ANKMY2: variants seen among roughly 807,000 people sequenced by gnomAD.
The protein encoded by ANKMY2 is ankyrin repeat and MYND domain containing 2, also known as ankyrin repeat and MYND domain-containing protein 2.
ANKMY2 carries 36 observed loss-of-function variants against 50.4 expected under a neutral mutation model. The ratio of observed to expected loss-of-function variants is 0.71; its 90% confidence interval spans 0.55 to 0.94. The LOEUF is 0.94. Among genes scored for constraint, ANKMY2 ranks in the 40% least tolerant of loss-of-function variants. The pLI is 0.00. For missense variants in ANKMY2, 565 were observed against 524.0 expected, an observed-to-expected ratio of 1.08 and a Z score of -0.76; for synonymous variants, 187 against 178.8, an observed-to-expected ratio of 1.05 and a Z score of -0.36.
intron 1 of ANKMY2, among the ~76,000 whole-genome samples, chr7:16,638,151 C>G (rs148455570): frequency 6.5e-4 from 99 of 152,342 alleles, no homozygotes; most frequent in African/African-American, 2.3e-3. Context: ...CCATAAACAC[C>G]AAGCAATTCT....
At chr7:16,607,714 TAGTTTTTC>T (rs1781184024) in intron 7 of ANKMY2, among the ~76,000 whole-genome samples, 1 of 146,296 alleles carries the variant, frequency 6.8e-6, no homozygotes, top group Non-Finnish European at 1.5e-5. Flanking sequence ...GTTGCTGTTT[TAGTTTTTC>T]TGTTTTTTCC....
intron 3 of ANKMY2, among the ~76,000 whole-genome samples, chr7:16,626,291 T>C (rs150401414): frequency 1.3e-5 from 2 of 152,326 alleles, no homozygotes; most frequent in Non-Finnish European, 2.9e-5. Flanking sequence ...AAAGAACTTT[T>C]AATATTTCAC....
chr7:16,601,595 A>G (rs1190414499), intron 9 of ANKMY2, among the ~76,000 whole-genome samples: 3 of 152,274 alleles, frequency 2.0e-5, no homozygotes, highest in Admixed American at 6.5e-5. Context: ...TGTACAAACC[A>G]TTTAATTCCA....
chr7:16,639,262 A>T (rs1475568831), intron 1 of ANKMY2, among the ~76,000 whole-genome samples: 2 of 152,206 alleles, frequency 1.3e-5, no homozygotes, highest in Admixed American at 6.5e-5. Context: ...TTTACAAGTA[A>T]GTGTAAAAGA....
chr7:16,626,906 C>A lies in ANKMY2; in HGVS notation c.271+134G>T, dbSNP rs1781514187. 6 of 681,934 alleles carry A rather than the reference C, an allele frequency of 8.8e-6. No individual in the cohort carries two copies. The Admixed American group carries it at 1.3e-4, about 14-fold the overall frequency. The allele number at this position is 681,934 out of a possible 1,614,324, so 42.2% of individuals were successfully genotyped here. ...TCCTGCATTATAGCTTTTCAAAAAC[C>A]AATTGCCATCATTCCTTTCCATAAA... is the stretch of plus-strand genomic sequence containing the variant. On this transcript the variant is annotated intron_variant, in intron 3 of 9. Transcript: ENST00000306999.
chr7:16,634,398 C>T (rs1257515478), intron 2 of ANKMY2, among the ~76,000 whole-genome samples: 1 of 152,096 alleles, frequency 6.6e-6, no homozygotes, highest in Non-Finnish European at 1.5e-5. Flanking sequence ...TTATAGGTTA[C>T]AGTATATGGA....
At chr7:16,602,254 A>G in intron 9 of ANKMY2, 126 bp downstream of exon 9, 2 of 1,153,108 alleles carry the variant, frequency 1.7e-6, no homozygotes, top group African/African-American at 3.1e-5. Context: ...TTTAAATGTG[A>G]TTCTTACATC....
intron 1 of ANKMY2, among the ~76,000 whole-genome samples, chr7:16,641,463 T>A (rs1308759616): frequency 6.6e-6 from 1 of 152,234 alleles, no homozygotes; most frequent in Non-Finnish European, 1.5e-5. Context: ...ATAGGTTGCA[T>A]AACCTGTCCA....
At chr7:16,621,192 G>A (rs1781429968) in intron 4 of ANKMY2, among the ~76,000 whole-genome samples, 1 of 152,120 alleles carries the variant, frequency 6.6e-6, no homozygotes, top group Admixed American at 6.5e-5. Flanking sequence ...TGAGTGTGGA[G>A]GTGGTAGTGC....
chr7:16,610,780 T>A lies in ANKMY2; in HGVS notation c.532-17A>T. ...CATCACGATCTAGAGGAAATCCCAG[T>A]GTACTCAGGTATTAAAGGAGACACT... On this transcript the variant is annotated splice_polypyrimidine_tract_variant and intron_variant, in intron 5 of 9. Transcript: ENST00000306999. 2 of 1,608,336 alleles carry A rather than the reference T, an allele frequency of 1.2e-6. No homozygotes were observed. Among genetic ancestry groups the A allele is most frequent in the East Asian group, 2.2e-5 (1 of 44,794 alleles).
At chr7:16,606,397 C>G (rs1004642650) in intron 7 of ANKMY2, among the ~76,000 whole-genome samples, 2 of 150,928 alleles carry the variant, frequency 1.3e-5, no homozygotes, top group African/African-American at 2.4e-5. Context: ...TCACTACACT[C>G]CAGCCTTGGT....
At chr7:16,608,822 G>A (rs1411500922) in intron 7 of ANKMY2, among the ~76,000 whole-genome samples, 1 of 152,080 alleles carries the variant, frequency 6.6e-6, no homozygotes, top group African/African-American at 2.4e-5. Flanking sequence ...TCAACATGGT[G>A]AAATCCCATC....
chr7:16,644,811 G>A (rs530421433), intron 1 of ANKMY2: 1 of 442,256 alleles, frequency 2.3e-6, no homozygotes, highest in East Asian at 7.3e-5. Flanking sequence ...AGTGGGGCAC[G>A]CCTTGGGGGA....
chr7:16,642,936 G>C (rs1781764671), intron 1 of ANKMY2, among the ~76,000 whole-genome samples: 1 of 151,978 alleles, frequency 6.6e-6, no homozygotes, highest in African/African-American at 2.4e-5. Context: ...ATTACCTATG[G>C]GCCCTGTGAT....
At position 16,615,895 on chromosome 7, in the gene ANKMY2, T is replaced by A. The variant is rs1303047339; in HGVS notation, c.380A>T (p.Asp127Val). Residue 127 changes from aspartate (D) to valine (V), a missense_variant, in exon 5 of 10, where the codon GAT (aspartate) becomes GTT (valine). By Grantham distance (152) the Asp-to-Val change is radical (BLOSUM62 -3). Coordinates refer to ENST00000306999, the MANE Select transcript of ANKMY2 (RefSeq NM_020319.3). ...GAAATTGTTGATTATGGTCACACAA[T>A]CATGTTGACCTTTTCATAGAAAAAT... ...AQMAAFVGQH[D>V]CVTIINNFFP... The A allele has an allele frequency of 2.5e-6, 4 of 1,609,904 alleles. No individual in the cohort carries two copies.
At chr7:16,612,567 T>G (rs1299270760) in intron 5 of ANKMY2, among the ~76,000 whole-genome samples, 2 of 152,236 alleles carry the variant, frequency 1.3e-5, no homozygotes, top group Non-Finnish European at 2.9e-5. Context: ...TTTTTATATA[T>G]GGCATTTATA....
chr7:16,625,011 T>C lies in ANKMY2; in HGVS notation c.342A>G (p.Arg114=), dbSNP rs186269661. ...CAAAGGCTGCCATCTGAGCTGCTGT[T>C]CTTCCCACAGAGTTGACAACATCTG... ...AETDVVNSVG[R]TAAQMAAFVG... The change falls in exon 4 of 10, where the codon AGA becomes AGG. Residue 114 remains arginine, a synonymous_variant. Transcript: ENST00000306999. The C allele has an allele frequency of 4.1e-5, 66 of 1,614,128 alleles. No homozygotes were observed. In the East Asian group the frequency reaches 1.3e-3, roughly 33 times the overall value.
Position 16,600,741 on chromosome 7 carries a change from A to G in ANKMY2, c.*20T>C. 6.3e-7 allele frequency: 1 copy of G among 1,589,504 alleles called. No homozygotes were observed. Among genetic ancestry groups the G allele is most frequent in the Non-Finnish European group, 8.6e-7 (1 of 1,167,386 alleles). Reference sequence around the variant, plus strand: ...TTCTTGCAGGGTGAGGATCATCCACACTGGCACTTGCTCTGGCTTTTACTC... The same window carrying G: ...TTCTTGCAGGGTGAGGATCATCCACGCTGGCACTTGCTCTGGCTTTTACTC... On this transcript the variant is annotated 3_prime_UTR_variant, in exon 10 of 10. Coordinates refer to ENST00000306999, the MANE Select transcript of ANKMY2 (RefSeq NM_020319.3).
At chr7:16,607,493 G>A (rs564904696) in intron 7 of ANKMY2, among the ~76,000 whole-genome samples, 5 of 152,074 alleles carry the variant, frequency 3.3e-5, no homozygotes, top group South Asian at 2.1e-4. Context: ...GCTTGAACCC[G>A]GAAGACTGAG....
Sources: gnomAD v4.1 joint callset for allele counts (sites outside exome capture counted in the v4.1 genomes callset) on GRCh38, gnomAD v4.1.1 for gene constraint, MANE v1.5 for transcripts, NCBI Gene and HGNC (gene_info 2026-07-23, HGNC 2026-07-21) for gene names.